Variants in PCDHA1 observed in about 807,000 individuals in gnomAD.
The protein encoded by PCDHA1 is protocadherin alpha-1.
A neutral mutation model predicts 61.3 loss-of-function variants in PCDHA1; 42 were observed. The observed-to-expected ratio is 0.69, with a 90% CI of 0.54 to 0.89. PCDHA1 has a LOEUF of 0.89. PCDHA1 is among the 40% of genes least tolerant of loss of function. The pLI, the probability that PCDHA1 is intolerant of heterozygous loss-of-function variation, is 0.00. For missense variants in PCDHA1, 1,256 were observed against 1,235.3 expected (o/e 1.02, Z -0.25); for synonymous variants, 610 against 553.8 (o/e 1.10, Z -1.43).
chr5:140,966,068 T>G (rs188069959), intron 1 of PCDHA1: 1 of 153,298 alleles, frequency 6.5e-6, no homozygotes. Context: ...CGCCTCCCCC[T>G]GCGTTGTTTC....
intron 1 of PCDHA1, chr5:140,863,183 C>A: frequency 1.3e-6 from 1 of 766,218 alleles, no homozygotes; most frequent in Non-Finnish European, 2.2e-6. Context: ...GCCACCGTCA[C>A]CGTGGTGGCG....
At chr5:140,972,749 C>T (rs6899060) in intron 1 of PCDHA1, among the ~76,000 whole-genome samples, 3,772 of 151,356 alleles carry the variant, frequency 0.025, 151 homozygotes, top group African/African-American at 0.085. Flanking sequence ...CTGCAACCTC[C>T]GCCTCCCAAG....
rs782277287 is a variant in PCDHA1 at position 140,929,397 on chromosome 5, T to C, written c.2395-49552T>C. 4.6e-6 allele frequency: 7 copies of C among 1,509,852 alleles called. No homozygotes were observed. In the South Asian group the frequency reaches 9.5e-5, roughly 21 times the overall value. The allele number at this position is 1,509,852 out of a possible 1,614,324, so 93.5% of individuals were successfully genotyped here. A position where few individuals can be genotyped will look rare whatever the true frequency, so the allele number is the denominator to read the frequency against. Reference sequence around the variant, plus strand: ...GCTAGCTGTGTTTTGAAATATTTCTTAGACAAGCCTTTCACAACATTTCAT... The same window carrying C: ...GCTAGCTGTGTTTTGAAATATTTCTCAGACAAGCCTTTCACAACATTTCAT... On this transcript the variant is annotated intron_variant, in intron 1 of 3. Transcript: ENST00000504120.
chr5:140,926,990 G>T (rs2083733718), intron 1 of PCDHA1: 1 of 1,611,558 alleles, frequency 6.2e-7, no homozygotes, highest in Admixed American at 1.7e-5. Flanking sequence ...ACGGAGCGGG[G>T]CGTAGCCGTA....
chr5:140,885,430 A>T (rs1216159578), intron 1 of PCDHA1, among the ~76,000 whole-genome samples: 2 of 152,132 alleles, frequency 1.3e-5, no homozygotes, highest in African/African-American at 4.8e-5. Context: ...CCACAGTGTA[A>T]GTGTGCAATT....
At position 140,836,457 on chromosome 5, in the gene PCDHA1, G is replaced by T. The variant is rs2150261358; in HGVS notation, c.2394+47773G>T. The stretch of plus-strand genomic sequence containing the variant: ...GTTGGGCATTGCAGGCCCAGAGACC[G>T]AGCTGGTGGATGTCAACGTGTACCT... On this transcript the variant is annotated intron_variant, in intron 1 of 3. Coordinates refer to ENST00000504120, the MANE Select transcript of PCDHA1 (RefSeq NM_018900.4). The T allele has an allele frequency of 1.5e-5, 25 of 1,613,812 alleles. No homozygotes were observed. The African/African-American group carries it at 3.1e-4, about 20-fold the overall frequency.
At chr5:140,850,470 C>T (rs2041624410) in intron 1 of PCDHA1, 2 of 1,597,978 alleles carry the variant, frequency 1.3e-6, no homozygotes, top group East Asian at 4.5e-5. Context: ...GGAGCCAGCG[C>T]TGACGGCCAC....
At chr5:140,804,919 T>C in intron 1 of PCDHA1, 1 of 976,588 alleles carries the variant, frequency 1.0e-6, no homozygotes, top group Non-Finnish European at 1.4e-6. Context: ...TTATTTCCTT[T>C]TTTGGCACTA....
intron 1 of PCDHA1, chr5:140,801,300 G>C (rs1554121379): frequency 6.2e-7 from 1 of 1,613,456 alleles, no homozygotes; most frequent in Non-Finnish European, 8.5e-7. Flanking sequence ...CCACTACTCC[G>C]TCTCTGAGGA....
intron 1 of PCDHA1, chr5:140,967,227 A>G (rs1586199202): frequency 1.2e-6 from 2 of 1,613,742 alleles, no homozygotes; most frequent in Admixed American, 1.7e-5. Flanking sequence ...CCCAACTACC[A>G]GCTTCAGGTA....
Position 140,967,929 on chromosome 5 carries a change from G to A in PCDHA1, c.2395-11020G>A, listed in dbSNP as rs1554230126. 5 of 1,614,096 alleles carry A rather than the reference G, an allele frequency of 3.1e-6. No homozygotes were observed. The South Asian group carries it at 4.4e-5, about 14-fold the overall frequency. ...CCCAACACCATTGTGGCCGTTCTCAGTGTCAATGACCAAGACTCAGGCCCC... is the reference window on the plus strand; with the variant it reads ...CCCAACACCATTGTGGCCGTTCTCAATGTCAATGACCAAGACTCAGGCCCC... On this transcript the variant is annotated intron_variant, in intron 1 of 3. Coordinates refer to ENST00000504120, the MANE Select transcript of PCDHA1 (RefSeq NM_018900.4).
intron 1 of PCDHA1, chr5:140,824,627 T>TTTTTTG (rs1554130003): frequency 3.7e-5 from 5 of 134,070 alleles, no homozygotes; most frequent in African/African-American, 1.6e-4. Flanking sequence ...TTTTTTTTTT[T>TTTTTTG]TTTTTATTTT....
At chr5:140,796,949 C>T (rs1762161008) in intron 1 of PCDHA1, 5 of 1,613,694 alleles carry the variant, frequency 3.1e-6, no homozygotes, top group South Asian at 2.2e-5. Flanking sequence ...TTGACAGCCA[C>T]GGCCACCGTG....
At chr5:140,813,988 ACT>A (rs1263124316) in intron 1 of PCDHA1, 3 of 152,518 alleles carry the variant, frequency 2.0e-5, no homozygotes, top group African/African-American at 7.2e-5. Context: ...ACAGAGTGAG[ACT>A]CTGTCTCAAT....
intron 1 of PCDHA1, chr5:140,850,027 A>G (rs2150464152): frequency 2.5e-6 from 4 of 1,596,758 alleles, no homozygotes; most frequent in Non-Finnish European, 3.4e-6. Context: ...GTGTCAGTGC[A>G]CGCGGAGAGC....
At chr5:140,967,669 G>C in intron 1 of PCDHA1, 9 of 1,614,126 alleles carry the variant, frequency 5.6e-6, no homozygotes, top group Non-Finnish European at 7.6e-6. Flanking sequence ...GCTACACGTC[G>C]GACCGGGAGA....
intron 1 of PCDHA1, chr5:140,884,122 G>A (rs1212118784): frequency 6.2e-7 from 1 of 1,613,306 alleles, no homozygotes; most frequent in East Asian, 2.2e-5. Flanking sequence ...CGGTCGGCGC[G>A]CGCATCCCGT....
chr5:140,897,178 CA>C (rs1414076017), intron 1 of PCDHA1, among the ~76,000 whole-genome samples: 4 of 151,978 alleles, frequency 2.6e-5, no homozygotes, highest in South Asian at 2.1e-4. Context: ...TCCATGGGTT[CA>C]AAAAATATAT....
chr5:140,929,161 C>T lies in PCDHA1; in HGVS notation c.2395-49788C>T. On this transcript the variant is annotated intron_variant, in intron 1 of 3. Transcript: ENST00000504120. ...GAGACTTTCTCAGACTTATCTCTAT[C>T]GGGCCTCTCTGGGACTTGGTTCTGA... 2 of 1,614,136 alleles carry T rather than the reference C, an allele frequency of 1.2e-6. No homozygotes were observed. The highest frequency in any genetic ancestry group is 1.7e-6 in the Non-Finnish European group (2 of 1,180,028).
Sources: allele counts gnomAD v4.1 joint callset (sites outside exome capture counted in the v4.1 genomes callset), GRCh38; gene constraint gnomAD v4.1.1; transcripts MANE v1.5; gene names NCBI Gene and HGNC (gene_info 2026-07-23, HGNC 2026-07-21).